CIDEB: variants seen among roughly 807,000 people sequenced by gnomAD.
CIDEB encodes the protein lipid transferase CIDEB.
Under a neutral mutation model 22.4 loss-of-function variants are expected in CIDEB, and 27 were observed. That is an observed-to-expected ratio of 1.21 (90% CI 0.89 to 1.66). The LOEUF (loss-of-function observed/expected upper bound fraction) is 1.66, where lower values mean the gene tolerates loss of function less well. CIDEB is among the 40% of genes most tolerant of loss of function. The pLI is 0.00. For missense variants in CIDEB, 289 were observed against 268.7 expected, an observed-to-expected ratio of 1.08 and a Z score of -0.53; for synonymous variants, 103 against 109.5, an observed-to-expected ratio of 0.94 and a Z score of 0.37.
Position 24,307,787 on chromosome 14 carries a change from G to A in CIDEB, c.41+31C>T, listed in dbSNP as rs36114269. ...GTTGCCCTGCCTATATCCCCTAAAG[G>A]TGGAGGGTAGAGCGGAGGGTTAGCA... On this transcript the variant is annotated intron_variant, in intron 1 of 4. Coordinates refer to ENST00000554411, the MANE Select transcript of CIDEB (RefSeq NM_001393339.1). The A allele has an allele frequency of 3.7e-4, 581 of 1,579,360 alleles. 7 individuals are homozygous for A. The East Asian group carries it at 0.012, about 34-fold the overall frequency.
rs542250063 is a variant in CIDEB, at chr14:24,307,824, A to G, written c.35T>C (p.Leu12Ser). 6.3e-7 allele frequency: 1 copy of G among 1,595,516 alleles called. No homozygotes were observed. Among genetic ancestry groups the G allele is most frequent in the South Asian group, 1.1e-5 (1 of 88,012 alleles). ...GCGGAGGGTTAGCAGTCACCTGAGT[A>G]AGTCACTGGGGTTCAGAGCTGAGAG... ...EYLSALNPSDLLRSVSNISSE... is the reference protein window; with the variant it reads ...EYLSALNPSDSLRSVSNISSE... The change falls in exon 1 of 5, where the codon TTA becomes TCA. Residue 12 changes from leucine (L) to serine (S), a missense_variant. Leu to Ser is a moderately radical substitution (Grantham distance 145, BLOSUM62 -2). Transcript: ENST00000554411.
upstream of CIDEB, chr14:24,310,873 C>G: frequency 1.9e-6 from 3 of 1,592,248 alleles, no homozygotes; most frequent in Non-Finnish European, 2.6e-6. Context: ...GCCGACGGCG[C>G]GGTGCTGCTG....
upstream of CIDEB, chr14:24,310,920 G>C (rs745380770): frequency 2.5e-6 from 4 of 1,589,920 alleles, no homozygotes; most frequent in East Asian, 9.1e-5. Context: ...GACCCGGCAG[G>C]CCTGGCCGCT....
upstream of CIDEB, chr14:24,310,795 G>A (rs772678804): frequency 2.5e-6 from 4 of 1,603,528 alleles, no homozygotes; most frequent in Admixed American, 3.3e-5. Context: ...GTGGTGTGGA[G>A]CTTGGCGGGC....
chr14:24,311,382 T>C, upstream of CIDEB: 1 of 1,603,030 alleles, frequency 6.2e-7, no homozygotes, highest in Non-Finnish European at 8.5e-7. Context: ...CTGGGCCCCC[T>C]ACCACGCAGT....
At chr14:24,310,936 A>G (rs1442119178), upstream of CIDEB, 9 of 1,590,718 alleles carry the variant, frequency 5.7e-6, no homozygotes, top group South Asian at 2.2e-5. Context: ...CCGCTGGGCC[A>G]GGCGGGCTGC....
chr14:24,310,471 G>A, upstream of CIDEB: 1 of 712,934 alleles, frequency 1.4e-6, no homozygotes, highest in Non-Finnish European at 2.5e-6. Context: ...GGGGATCTGG[G>A]TTCCAAGAAG....
Position 24,305,946 on chromosome 14 carries a change from C to T in CIDEB, c.527+1G>A, listed in dbSNP as rs200582475. On this transcript the variant is annotated splice_donor_variant, in intron 4 of 4. Transcript: ENST00000554411. LOFTEE classifies it high-confidence loss of function. ...GGCAGTATGACATGTTGATTTCTGA[C>T]CTGAGTACTTTCTTTGGGCCAAGTC... 5.3e-5 allele frequency: 85 copies of T among 1,612,606 alleles called. No individual in the cohort carries two copies. Among genetic ancestry groups the T allele is most frequent in the Admixed American group, 3.0e-4 (18 of 59,936 alleles).
At position 24,306,488 on chromosome 14, in the gene CIDEB, G is replaced by A. The variant is rs774123412; in HGVS notation, c.222C>T (p.Thr74=). 9.3e-6 allele frequency: 15 copies of A among 1,614,094 alleles called. No homozygotes were observed. The highest frequency in any genetic ancestry group is 1.3e-5 in the Non-Finnish European group (15 of 1,180,034). The part of the protein sequence containing the change: ...LETLLLNGVL[T]LVLEEDGTAV... The stretch of plus-strand genomic sequence containing the variant: ...CAGTTCCATCCTCCTCTAGCACCAG[G>A]GTTAGCACTCCATTCAGCAGTAGGG... Residue 74 remains threonine (T), a synonymous_variant, in exon 3 of 5, where the codon ACC becomes ACT. Transcript: ENST00000554411.
upstream of CIDEB, chr14:24,310,424 G>T (rs2041652564): frequency 1.5e-6 from 1 of 658,200 alleles, no homozygotes; most frequent in South Asian, 1.6e-5. Flanking sequence ...CTCTGGGAAG[G>T]AGGCCAGGAG....
Position 24,305,433 on chromosome 14 carries a change from C to T in CIDEB, c.*200G>A, listed in dbSNP as rs1384531099. The T allele has an allele frequency of 4.6e-6, 3 of 656,028 alleles. No homozygotes were observed. In the African/African-American group the frequency reaches 5.5e-5, roughly 12 times the overall value. The allele number at this position is 656,028 out of a possible 1,614,324, so 40.6% of individuals were successfully genotyped here. On this transcript the variant is annotated 3_prime_UTR_variant, in exon 5 of 5. Transcript: ENST00000554411. ...GGCCAGAAAGGTGGCTAGGAAAGAA[C>T]AGCATTCTTCAGGTAAGGGTATAGA...
At chr14:24,310,115 G>C (rs2041641728), upstream of CIDEB, 4 of 181,266 alleles carry the variant, frequency 2.2e-5, no homozygotes, top group Non-Finnish European at 4.6e-5. Flanking sequence ...AGAGGCCCAG[G>C]ATGAGCCTCA....
At chr14:24,307,670 G>T in intron 1 of CIDEB, 148 bp downstream of exon 1, 1 of 1,194,898 alleles carries the variant, frequency 8.4e-7, no homozygotes, top group Non-Finnish European at 1.2e-6. Flanking sequence ...AGGTGGGGGC[G>T]GGTGGCTCAG....
chr14:24,310,914 C>A (rs749073450), upstream of CIDEB: 33 of 1,590,070 alleles, frequency 2.1e-5, no homozygotes, highest in African/African-American at 4.2e-4. Flanking sequence ...CTTCCTGACC[C>A]GGCAGGCCTG....
upstream of CIDEB, chr14:24,311,214 C>G (rs775746953): frequency 6.2e-7 from 1 of 1,609,266 alleles, no homozygotes; most frequent in Non-Finnish European, 8.5e-7. Context: ...CCACCTGAGC[C>G]TGGAGACTCT....
chr14:24,307,712 C>A, intron 1 of CIDEB, 106 bp downstream of exon 1: 1 of 1,322,846 alleles, frequency 7.6e-7, no homozygotes, highest in Non-Finnish European at 1.1e-6. Context: ...GAGTGGGGAG[C>A]AGGAGAGGAA....
chr14:24,307,219 A>G, intron 2 of CIDEB, 152 bp downstream of exon 2: 1 of 757,584 alleles, frequency 1.3e-6, no homozygotes, highest in South Asian at 1.9e-5. Context: ...CAAATTGACC[A>G]GAGCTCATTA....
chr14:24,306,060 C>T lies in CIDEB; in HGVS notation c.414G>A (p.Val138=). The change falls in exon 4 of 5, where the codon GTG becomes GTA. Residue 138 remains valine, a synonymous_variant. Coordinates refer to ENST00000554411, the MANE Select transcript of CIDEB (RefSeq NM_001393339.1). ...AGAGGTCTCGAGGGTTTTGCTTGTA[C>T]ACGTCAAAGGTGAATCGGGCGATGT... ...SKDIARFTFD[V]YKQNPRDLFG... 6.2e-7 allele frequency: 1 copy of T among 1,614,168 alleles called. No homozygotes were observed. The highest frequency in any genetic ancestry group is 8.5e-7 in the Non-Finnish European group (1 of 1,180,034).
chr14:24,308,174 C>T (rs964849214), upstream of CIDEB: 7 of 392,332 alleles, frequency 1.8e-5, no homozygotes, highest in South Asian at 1.4e-4. Flanking sequence ...TGAAATGTGA[C>T]TTCTGGTGTT....
Sources: gnomAD v4.1 joint callset for allele counts on GRCh38, gnomAD v4.1.1 for gene constraint, MANE v1.5 for transcripts, NCBI Gene and HGNC (gene_info 2026-07-23, HGNC 2026-07-21) for gene names.